The following SSH2 variants were observed in gnomAD, a reference collection of about 807,000 sequenced individuals.
SSH2 encodes the protein protein phosphatase Slingshot homolog 2.
Under a neutral mutation model 135.2 loss-of-function variants are expected in SSH2, and 37 were observed. The observed-to-expected ratio is 0.27, with a 90% CI of 0.21 to 0.36. The LOEUF (loss-of-function observed/expected upper bound fraction) is 0.36, where lower values mean the gene tolerates loss of function less well. Among genes scored for constraint, SSH2 ranks in the 10% least tolerant of loss-of-function variants. The pLI is 1.00. For synonymous variants in SSH2, 628 were observed against 646.2 expected (o/e 0.97, Z 0.43); for missense variants, 1,408 against 1,765.3 (o/e 0.80, Z 3.63).
chr17:29,771,463 A>G (rs934423429), intron 3 of SSH2, among the ~76,000 whole-genome samples: 2 of 152,216 alleles, frequency 1.3e-5, no homozygotes, highest in Admixed American at 1.3e-4. Flanking sequence ...GCTCTAGTAA[A>G]TATTTCCTTA....
At chr17:29,858,677 G>A (rs574928872) in intron 1 of SSH2, among the ~76,000 whole-genome samples, 25 of 152,160 alleles carry the variant, frequency 1.6e-4, no homozygotes, top group East Asian at 5.8e-4. Context: ...CCAGGAGATC[G>A]AGACCAGCCT....
chr17:29,922,732 T>C (rs1208408983), intron 1 of SSH2, among the ~76,000 whole-genome samples: 2 of 152,322 alleles, frequency 1.3e-5, no homozygotes, highest in East Asian at 3.9e-4. Flanking sequence ...GAGGATTGCT[T>C]GAGCCAAGGA....
chr17:29,683,397 A>C (rs766255952), intron 6 of SSH2, among the ~76,000 whole-genome samples: 6 of 152,226 alleles, frequency 3.9e-5, no homozygotes, highest in Non-Finnish European at 2.9e-5. Flanking sequence ...CTAAAGCCAA[A>C]GGTACATAAA....
intron 14 of SSH2, among the ~76,000 whole-genome samples, chr17:29,647,172 G>A (rs1043423273): frequency 6.6e-6 from 1 of 151,648 alleles, no homozygotes; most frequent in East Asian, 2.0e-4. Flanking sequence ...TGAGGCAGGA[G>A]AATGGCGTGA....
intron 1 of SSH2, chr17:29,855,787 T>C (rs538781720): frequency 1.1e-4 from 18 of 163,668 alleles, no homozygotes; most frequent in East Asian, 7.5e-4. Flanking sequence ...AATCAGACTA[T>C]TGACATTCCA....
intron 15 of SSH2, among the ~76,000 whole-genome samples, chr17:29,635,480 C>A (rs1019344553): frequency 8.5e-5 from 13 of 152,106 alleles, no homozygotes; most frequent in African/African-American, 3.1e-4. Context: ...TCTCGGCTCA[C>A]TGCAAGCTCC....
At chr17:29,737,654 C>CT (rs2151199349) in intron 3 of SSH2, among the ~76,000 whole-genome samples, 1 of 152,274 alleles carries the variant, frequency 6.6e-6, no homozygotes, top group East Asian at 1.9e-4. Context: ...AATCTTGTTC[C>CT]TTTAAAATGA....
Position 29,631,281 on chromosome 17 carries a change from G to C in SSH2, c.3913C>G (p.Pro1305Ala). 4 of 1,614,088 alleles carry C rather than the reference G, an allele frequency of 2.5e-6. No individual in the cohort carries two copies. The highest frequency in any genetic ancestry group is 2.2e-5 in the East Asian group (1 of 44,888). The change falls in exon 16 of 16, where the codon CCT becomes GCT. Residue 1305 changes from proline to alanine, a missense_variant. Pro to Ala is a conservative substitution (Grantham distance 27). Coordinates refer to ENST00000540801, the MANE Select transcript of SSH2 (RefSeq NM_001282129.2). ...AGATGAGGGGATTCACAGGAGGCAG[G>C]CTCCCTCTCTGGTAAGCAGTCTTTA... ...LCKDCLPERE[P>A]ASCESPHLKL... is the part of the protein sequence containing the mutation.
chr17:29,759,631 A>C (rs1227234316), intron 3 of SSH2, among the ~76,000 whole-genome samples: 1 of 152,090 alleles, frequency 6.6e-6, no homozygotes, highest in Non-Finnish European at 1.5e-5. Context: ...TCTGAATTTG[A>C]CTTCTATAGA....
rs776857493 is a variant in SSH2 at position 29,632,243 on chromosome 17, G to A, written c.2951C>T (p.Pro984Leu). 3.1e-6 allele frequency: 5 copies of A among 1,613,988 alleles called. No individual in the cohort carries two copies. In the East Asian group the frequency reaches 8.9e-5, roughly 29 times the overall value. Residue 984 changes from proline (P) to leucine (L), a missense_variant, in exon 16 of 16, where the codon CCC becomes CTC. Pro to Leu is a moderately conservative substitution (Grantham distance 98). Coordinates refer to ENST00000540801, the MANE Select transcript of SSH2 (RefSeq NM_001282129.2). ...CAAGTGGTCAAACTCCAGCACCCTGGGAGCTGGAACAGTGGCATTCTGCTC... is the reference window on the plus strand; with the variant it reads ...CAAGTGGTCAAACTCCAGCACCCTGAGAGCTGGAACAGTGGCATTCTGCTC... Reference protein sequence around the residue: ...HSEQNATVPAPRVLEFDHLPD... With the variant: ...HSEQNATVPALRVLEFDHLPD...
At chr17:29,800,859 T>G (rs1161226863) in intron 2 of SSH2, among the ~76,000 whole-genome samples, 1 of 150,920 alleles carries the variant, frequency 6.6e-6, no homozygotes, top group Non-Finnish European at 1.5e-5. Context: ...TAAGTCTTTT[T>G]TTCTTTTTTT....
chr17:29,741,433 C>T (rs2040549134), intron 3 of SSH2, among the ~76,000 whole-genome samples: 1 of 152,074 alleles, frequency 6.6e-6, no homozygotes, highest in Non-Finnish European at 1.5e-5. Context: ...CTGCAAAAAA[C>T]TGGACATAAT....
At chr17:29,771,416 C>T (rs920021457) in intron 3 of SSH2, among the ~76,000 whole-genome samples, 3 of 152,184 alleles carry the variant, frequency 2.0e-5, no homozygotes, top group Non-Finnish European at 4.4e-5. Flanking sequence ...TTATATCTTT[C>T]TTAAGATATA....
In SSH2 at chr17:29,737,920, C is replaced by CTTATTTATTTATTTAT. The variant is rs57778245; in HGVS notation, c.189-34874_189-34859dup. On this transcript the variant is annotated intron_variant, in intron 3 of 15. Coordinates refer to ENST00000540801, the MANE Select transcript of SSH2 (RefSeq NM_001282129.2). ...CAGCTGGCTGACCTTGAGAAAGTCT[C>CTTATTTATTTATTTAT]TTATTTATTTATTTATTTATTTATA... Among the ~76,000 whole-genome samples the CTTATTTATTTATTTAT allele has an allele frequency of 7.6e-3, 1,140 of 150,690 alleles. 2 individuals carry two copies. Among genetic ancestry groups the CTTATTTATTTATTTAT allele is most frequent in the Non-Finnish European group, 0.011 (773 of 67,496 alleles).
chr17:29,730,698 CA>C (rs1424718140), intron 3 of SSH2, among the ~76,000 whole-genome samples: 1 of 152,030 alleles, frequency 6.6e-6, no homozygotes, highest in Non-Finnish European at 1.5e-5. Flanking sequence ...CTCGGCCTCC[CA>C]AAGTGCTGGG....
intron 15 of SSH2, 39 bp downstream of exon 15, chr17:29,635,929 G>A: frequency 2.8e-6 from 4 of 1,436,946 alleles, no homozygotes; most frequent in Non-Finnish European, 3.8e-6. Flanking sequence ...CCTTTGAAGA[G>A]AACTTCATTA....
intron 11 of SSH2, among the ~76,000 whole-genome samples, chr17:29,660,879 A>C (rs1305723110): frequency 6.6e-6 from 1 of 151,800 alleles, no homozygotes; most frequent in Non-Finnish European, 1.5e-5. Context: ...CAACATGGTG[A>C]AACTCCAACT....
At chr17:29,788,068 C>G (rs769818955) in intron 3 of SSH2, among the ~76,000 whole-genome samples, 1 of 152,076 alleles carries the variant, frequency 6.6e-6, no homozygotes, top group African/African-American at 2.4e-5. Flanking sequence ...ATTTGTTTAT[C>G]TTCTTTGGAG....
intron 11 of SSH2, among the ~76,000 whole-genome samples, chr17:29,658,867 C>CAAA (rs541052752): frequency 6.6e-4 from 22 of 33,366 alleles, no homozygotes; most frequent in African/African-American, 1.3e-3. Flanking sequence ...AACTCCGTCT[C>CAAA]AAAAAAAAAA....
Sources: allele counts gnomAD v4.1 joint callset (sites outside exome capture counted in the v4.1 genomes callset), GRCh38; gene constraint gnomAD v4.1.1; transcripts MANE v1.5; gene names NCBI Gene and HGNC (gene_info 2026-07-23, HGNC 2026-07-21).